Variants in ABCC1 observed in about 807,000 individuals in gnomAD.
ABCC1 encodes ATP binding cassette subfamily C member 1 (ABCC1 blood group).
A neutral mutation model predicts 172.9 loss-of-function variants in ABCC1; 83 were observed. That is an observed-to-expected ratio of 0.48 (90% CI 0.40 to 0.58). The LOEUF (loss-of-function observed/expected upper bound fraction) is 0.58. ABCC1 is among the 20% of genes least tolerant of loss of function. The probability of loss-of-function intolerance (pLI) is 0.00; values close to 1 mark genes in which losing one functional copy is unlikely to be tolerated. For missense variants in ABCC1, 1,817 were observed against 2,002.7 expected, an observed-to-expected ratio of 0.91 and a Z score of 1.77; for synonymous variants, 937 against 825.2, an observed-to-expected ratio of 1.14 and a Z score of -2.32.
rs148057395 is a variant in ABCC1, at chr16:16,036,571, G to T, written c.777G>T (p.Lys259Asn). 1 of 1,614,122 alleles carries T rather than the reference G, an allele frequency of 6.2e-7. No individual in the cohort carries two copies. Among genetic ancestry groups the T allele is most frequent in the Non-Finnish European group, 8.5e-7 (1 of 1,179,968 alleles). The change falls in exon 7 of 31, where the codon AAG becomes AAT. Residue 259 changes from lysine to asparagine, a missense_variant. Physicochemically the swap from Lys to Asn is moderately conservative, Grantham distance 94. Coordinates refer to ENST00000399410, the MANE Select transcript of ABCC1 (RefSeq NM_004996.4). The part of the protein sequence containing the change: ...TSEQVVPVLV[K>N]NWKKECAKTR... Reference sequence around the variant, plus strand: ...AACAAGTCGTGCCTGTTTTGGTAAAGAACTGGAAGAAGGAATGCGCCAAGA... The same window carrying T: ...AACAAGTCGTGCCTGTTTTGGTAAATAACTGGAAGAAGGAATGCGCCAAGA...
At chr16:16,059,709 G>A (rs565250322) in intron 12 of ABCC1, among the ~76,000 whole-genome samples, 218 of 152,138 alleles carry the variant, frequency 1.4e-3, no homozygotes, top group African/African-American at 5.0e-3. Context: ...GGAGGCTGAG[G>A]CAGGAGGATC....
intron 21 of ABCC1, among the ~76,000 whole-genome samples, chr16:16,107,614 A>C (rs2052188449): frequency 6.6e-6 from 1 of 152,086 alleles, no homozygotes; most frequent in South Asian, 2.1e-4. Context: ...ATTTGGTCCT[A>C]ATGATTACGT....
chr16:16,098,577 C>A (rs1018053648), intron 19 of ABCC1, among the ~76,000 whole-genome samples: 1 of 152,208 alleles, frequency 6.6e-6, no homozygotes, highest in African/African-American at 2.4e-5. Flanking sequence ...TAAGATCACG[C>A]CACTTCCCTC....
chr16:15,961,063 C>T (rs1036731982), intron 1 of ABCC1, among the ~76,000 whole-genome samples: 5 of 138,820 alleles, frequency 3.6e-5, no homozygotes, highest in African/African-American at 1.4e-4. Context: ...TCAGGCTGGT[C>T]TCGAACTCCT....
intron 5 of ABCC1, among the ~76,000 whole-genome samples, chr16:16,021,559 A>C (rs534212296): frequency 4.6e-5 from 7 of 152,218 alleles, no homozygotes; most frequent in African/African-American, 1.7e-4. Context: ...TCTACTAAAA[A>C]TACAAAAATT....
In ABCC1 at chr16:15,961,867, C is replaced by T. The variant is rs548911792; in HGVS notation, c.48+12068C>T. 2.0e-5 allele frequency among the ~76,000 whole-genome samples: 3 copies of T among 151,314 alleles called. No individual in the cohort carries two copies. The East Asian group carries it at 5.8e-4, about 29-fold the overall frequency. ...TTCCCCTCTTGGTGTCTATCAAGGTCATTCCCAGTTCCTGGTTTCTTGCTG... is the reference window on the plus strand; with the variant it reads ...TTCCCCTCTTGGTGTCTATCAAGGTTATTCCCAGTTCCTGGTTTCTTGCTG... On this transcript the variant is annotated intron_variant, in intron 1 of 30. Coordinates refer to ENST00000399410, the MANE Select transcript of ABCC1 (RefSeq NM_004996.4).
chr16:16,034,463 A>G (rs2048673862), intron 6 of ABCC1, among the ~76,000 whole-genome samples: 1 of 152,150 alleles, frequency 6.6e-6, no homozygotes, highest in South Asian at 2.1e-4. Context: ...ATGCATGCTA[A>G]TAACATTCAT....
At chr16:16,122,779 G>T (rs1366710933) in intron 24 of ABCC1, among the ~76,000 whole-genome samples, 1 of 151,148 alleles carries the variant, frequency 6.6e-6, no homozygotes, top group Non-Finnish European at 1.5e-5. Flanking sequence ...AGCTTCTCGA[G>T]AGGCTGAGGC....
At chr16:16,034,502 A>G (rs1027135503) in intron 6 of ABCC1, among the ~76,000 whole-genome samples, 4 of 151,488 alleles carry the variant, frequency 2.6e-5, no homozygotes, top group African/African-American at 7.3e-5. Context: ...TGCTCTAGTT[A>G]CATAAGAGCA....
chr16:16,106,886 C>T lies in ABCC1; in HGVS notation c.2871+13C>T, dbSNP rs201236932. The T allele has an allele frequency of 9.9e-5, 160 of 1,613,748 alleles. No individual in the cohort carries two copies. The highest frequency in any genetic ancestry group is 1.3e-4 in the Non-Finnish European group (157 of 1,179,946). On this transcript the variant is annotated intron_variant, in intron 21 of 30. Transcript: ENST00000399410. ...GCAGACAGGGCAGGTGAGATTCGCT[C>T]CTTAAGTGATGACAGTGGCTGGAGT...
At chr16:15,984,294 T>C (rs2046695267) in intron 1 of ABCC1, among the ~76,000 whole-genome samples, 1 of 152,180 alleles carries the variant, frequency 6.6e-6, no homozygotes, top group African/African-American at 2.4e-5. Flanking sequence ...CTTGGTATAT[T>C]TGGTATGTTA....
In ABCC1 at chr16:16,056,368, A is replaced by G. The variant is rs773767421; in HGVS notation, c.1677+73A>G. 24 of 1,539,462 alleles carry G rather than the reference A, an allele frequency of 1.6e-5. 1 individual carries two copies. In the South Asian group the frequency reaches 2.8e-4, roughly 18 times the overall value. On this transcript the variant is annotated intron_variant, in intron 12 of 30. Transcript: ENST00000399410. Reference sequence around the variant, plus strand: ...TTTCTCTGCGTACCTGAATATTTTTAAAAGGTCACTATGTTGCCCAGGTGC... The same window carrying G: ...TTTCTCTGCGTACCTGAATATTTTTGAAAGGTCACTATGTTGCCCAGGTGC...
intron 1 of ABCC1, among the ~76,000 whole-genome samples, chr16:15,951,672 C>CTTTTTTCTTTTCTTTT (rs546865046): frequency 6.6e-6 from 1 of 151,796 alleles, no homozygotes; most frequent in Non-Finnish European, 1.5e-5. Flanking sequence ...GTAGTTGTTG[C>CTTTTTTCTTTTCTTTT]TTTTTTCTTT....
chr16:16,086,795 A>G, intron 17 of ABCC1, 29 bp from the exon 18 acceptor site: 1 of 1,607,848 alleles, frequency 6.2e-7, no homozygotes, highest in Non-Finnish European at 8.5e-7. Context: ...TTTCCCAGGA[A>G]ACCCACTCCT....
At chr16:16,010,701 G>A (rs148219894) in intron 3 of ABCC1, among the ~76,000 whole-genome samples, 4 of 152,248 alleles carry the variant, frequency 2.6e-5, no homozygotes, top group East Asian at 3.9e-4. Flanking sequence ...GGTGTTTCAC[G>A]TGTCTTGAAA....
At chr16:16,062,015 C>T (rs1364856416) in intron 12 of ABCC1, among the ~76,000 whole-genome samples, 1 of 152,154 alleles carries the variant, frequency 6.6e-6, no homozygotes, top group East Asian at 1.9e-4. Context: ...TCGAGCAGTC[C>T]GCCTGCCTCT....
chr16:16,106,235 C>T (rs1323898147), intron 20 of ABCC1, among the ~76,000 whole-genome samples: 1 of 152,020 alleles, frequency 6.6e-6, no homozygotes, highest in East Asian at 1.9e-4. Context: ...AGATCCCACC[C>T]CAGTGCCCAC....
intron 4 of ABCC1, among the ~76,000 whole-genome samples, chr16:16,015,440 G>GA (rs1375793475): frequency 6.6e-6 from 1 of 152,130 alleles, no homozygotes; most frequent in African/African-American, 2.4e-5. Flanking sequence ...GCCTGACCTG[G>GA]AGTGTGTGCT....
At chr16:15,985,326 A>G (rs2046719007) in intron 1 of ABCC1, among the ~76,000 whole-genome samples, 1 of 152,174 alleles carries the variant, frequency 6.6e-6, no homozygotes, top group African/African-American at 2.4e-5. Flanking sequence ...AGGCAGGGAC[A>G]TGGCAAGGGT....
Sources: gnomAD v4.1 joint callset for allele counts (sites outside exome capture counted in the v4.1 genomes callset) on GRCh38, gnomAD v4.1.1 for gene constraint, MANE v1.5 for transcripts, NCBI Gene and HGNC (gene_info 2026-07-23, HGNC 2026-07-21) for gene names.